CARMIL1: variants seen among roughly 807,000 people sequenced by gnomAD.
CARMIL1 encodes the protein F-actin-uncapping protein LRRC16A.
Under a neutral mutation model 177.1 loss-of-function variants are expected in CARMIL1, and 90 were observed. That is an observed-to-expected ratio of 0.51 (90% confidence interval 0.43 to 0.61). The LOEUF is 0.61. Among genes scored for constraint, CARMIL1 ranks in the 20% least tolerant of loss-of-function variants. The probability of loss-of-function intolerance (pLI) is 0.00; values close to 1 mark genes in which losing one functional copy is unlikely to be tolerated. For synonymous variants in CARMIL1, 577 were observed against 606.2 expected (o/e 0.95, Z 0.71); for missense variants, 1,380 against 1,667.0 (o/e 0.83, Z 3.00).
intron 11 of CARMIL1, among the ~76,000 whole-genome samples, chr6:25,475,058 G>A (rs1339010094): frequency 6.6e-6 from 1 of 152,228 alleles, no homozygotes; most frequent in Non-Finnish European, 1.5e-5. Flanking sequence ...TACATTGCTG[G>A]TGGGAGTGTA....
At position 25,316,755 on chromosome 6, in the gene CARMIL1, GAGGGAAAGAGA is replaced by G. The variant is rs536455425; in HGVS notation, c.138+31849_138+31859del. On this transcript the variant is annotated intron_variant, in intron 2 of 36. Transcript: ENST00000329474. Reference sequence around the variant, plus strand: ...TAAAGACTAGTCTAGTGTAATAGAAGAGGGAAAGAGAAGAACAAGAAGTTCTGTCTGTAACT... The same window carrying G: ...TAAAGACTAGTCTAGTGTAATAGAAGAGAACAAGAAGTTCTGTCTGTAACT... Among the ~76,000 whole-genome samples the G allele has an allele frequency of 2.4e-4, 37 of 152,092 alleles. No individual in the cohort carries two copies. The East Asian group carries it at 5.2e-3, about 21-fold the overall frequency.
At chr6:25,542,999 A>G (rs1809072391) in intron 26 of CARMIL1, among the ~76,000 whole-genome samples, 1 of 152,180 alleles carries the variant, frequency 6.6e-6, no homozygotes, top group Non-Finnish European at 1.5e-5. Context: ...AACATGTTAA[A>G]CTTGCAAGAG....
In CARMIL1 at chr6:25,610,150, C is replaced by G. The variant is rs199837533; in HGVS notation, c.3948C>G (p.Pro1316=). The G allele has an allele frequency of 6.2e-7, 1 of 1,613,688 alleles. No homozygotes were observed. Among genetic ancestry groups the G allele is most frequent in the African/African-American group, 1.3e-5 (1 of 74,890 alleles). ...AAGAGAGAGATGGCCAGAGTAGCCC[C>G]CAGCCCAGCCCCAGGACATTTTCAC... ...SDKERDGQSS[P]QPSPRTFSQE... The change falls in exon 36 of 37, where the codon CCC becomes CCG. Residue 1316 remains proline (P), a synonymous_variant. Transcript: ENST00000329474.
chr6:25,382,033 C>T (rs986698126), intron 2 of CARMIL1, among the ~76,000 whole-genome samples: 1 of 152,164 alleles, frequency 6.6e-6, no homozygotes, highest in African/African-American at 2.4e-5. Flanking sequence ...ACACTCTTCT[C>T]ATTCCTATTG....
intron 2 of CARMIL1, among the ~76,000 whole-genome samples, chr6:25,407,392 C>A (rs145866979): frequency 8.3e-6 from 1 of 121,008 alleles, no homozygotes; most frequent in East Asian, 2.3e-4. Context: ...AGAGCCCACA[C>A]GAAGGGACGG....
Position 25,435,526 on chromosome 6 carries a change from C to T in CARMIL1, c.293C>T (p.Ala98Val), listed in dbSNP as rs757157660. 5.2e-6 allele frequency: 8 copies of T among 1,553,048 alleles called. No homozygotes were observed. The highest frequency in any genetic ancestry group is 1.2e-5 in the South Asian group (1 of 84,116). The change falls in exon 5 of 37, where the codon GCG becomes GTG. Residue 98 changes from alanine (A) to valine (V), a missense_variant. By Grantham distance (64) the Ala-to-Val change is moderately conservative. Transcript: ENST00000329474. The part of the protein sequence containing the change: ...TEKCSISMKM[A>V]SPEDVSEVLA... ...AAGTGCAGCATTTCCATGAAGATGG[C>T]GTCACCCGAGGACGTGAGTGAGGTG...
At chr6:25,348,558 C>T (rs1032045953) in intron 2 of CARMIL1, among the ~76,000 whole-genome samples, 7 of 151,772 alleles carry the variant, frequency 4.6e-5, no homozygotes, top group Admixed American at 2.6e-4. Flanking sequence ...CCGAGCTGGG[C>T]GGATCACGAG....
In CARMIL1 at chr6:25,610,942, C is replaced by T. The variant is rs554762133; in HGVS notation, c.3979+761C>T. Among the ~76,000 whole-genome samples, 5 of 152,206 alleles carry T rather than the reference C, an allele frequency of 3.3e-5. No individual in the cohort carries two copies. The South Asian group carries it at 1.0e-3, about 32-fold the overall frequency. ...TCTGAGCCCCACCTATAAGGAAATT[C>T]TGGAGCCACACAAGTCGTCTACACC... is the stretch of plus-strand genomic sequence containing the variant. On this transcript the variant is annotated intron_variant, in intron 36 of 36. Coordinates refer to ENST00000329474, the MANE Select transcript of CARMIL1 (RefSeq NM_017640.6).
At chr6:25,286,230 A>G (rs1781517007) in intron 2 of CARMIL1, among the ~76,000 whole-genome samples, 1 of 152,248 alleles carries the variant, frequency 6.6e-6, no homozygotes, top group Non-Finnish European at 1.5e-5. Flanking sequence ...AAGAATTTGA[A>G]GTGTCTTTCT....
intron 11 of CARMIL1, chr6:25,479,063 A>G (rs767246451): frequency 1.5e-5 from 8 of 517,208 alleles, no homozygotes; most frequent in African/African-American, 5.8e-5. Context: ...CAATGTTCCA[A>G]TGTGTATGCT....
chr6:25,564,097 G>A (rs1413003007), intron 29 of CARMIL1, among the ~76,000 whole-genome samples: 1 of 152,172 alleles, frequency 6.6e-6, no homozygotes, highest in African/African-American at 2.4e-5. Flanking sequence ...ACATGCATGT[G>A]TAAATTGGGG....
chr6:25,443,464 C>T (rs1188502333), intron 5 of CARMIL1, among the ~76,000 whole-genome samples: 1 of 152,012 alleles, frequency 6.6e-6, no homozygotes, highest in African/African-American at 2.4e-5. Context: ...TGCATTTACA[C>T]GGAATTTGAA....
Position 25,556,722 on chromosome 6 carries a change from G to A in CARMIL1, c.2614G>A (p.Gly872Ser), listed in dbSNP as rs773416835. The change falls in exon 29 of 37, where the codon GGC (glycine) becomes AGC (serine). Residue 872 changes from glycine to serine, a missense_variant. Transcript: ENST00000329474. ...CTAGGCTGACCATTTCAGCAGACGT[G>A]GCAAGACCCTTCCTCAACAAGAATC... ...HKLADHFSRR[G>S]KTLPQQESLE... is the part of the protein sequence containing the mutation. 6.2e-7 allele frequency: 1 copy of A among 1,613,240 alleles called. No homozygotes were observed. Among genetic ancestry groups the A allele is most frequent in the Non-Finnish European group, 8.5e-7 (1 of 1,179,580 alleles).
intron 2 of CARMIL1, among the ~76,000 whole-genome samples, chr6:25,309,704 T>C (rs1783618952): frequency 6.6e-6 from 1 of 152,052 alleles, no homozygotes; most frequent in Non-Finnish European, 1.5e-5. Context: ...GTAGCATGGG[T>C]TAGAACTTCA....
chr6:25,432,417 A>C (rs901420651), intron 4 of CARMIL1, among the ~76,000 whole-genome samples: 3 of 152,254 alleles, frequency 2.0e-5, no homozygotes, highest in Middle Eastern at 6.8e-3. Flanking sequence ...TTTAAGAGTG[A>C]GTGATTGCTC....
chr6:25,585,720 G>T, intron 31 of CARMIL1, among the ~76,000 whole-genome samples: 1 of 151,968 alleles, frequency 6.6e-6, no homozygotes, highest in Non-Finnish European at 1.5e-5. Flanking sequence ...TGTGTCCCTG[G>T]GTACTTGAGA....
At chr6:25,439,683 G>A (rs1581945449) in intron 5 of CARMIL1, among the ~76,000 whole-genome samples, 2 of 152,282 alleles carry the variant, frequency 1.3e-5, no homozygotes, top group Admixed American at 1.3e-4. Flanking sequence ...GGTTGGGAGG[G>A]CAGACTGCTG....
chr6:25,490,878 A>C (rs534344620), intron 13 of CARMIL1, among the ~76,000 whole-genome samples: 1 of 152,238 alleles, frequency 6.6e-6, no homozygotes, highest in African/African-American at 2.4e-5. Flanking sequence ...AAACTGCTAC[A>C]CATAGTAAAT....
intron 31 of CARMIL1, among the ~76,000 whole-genome samples, chr6:25,586,823 G>C (rs146889317): frequency 4.6e-5 from 7 of 151,928 alleles, no homozygotes; most frequent in Non-Finnish European, 8.8e-5. Context: ...GCGTGGCGGC[G>C]CGCGCCTGCA....
Sources: allele counts gnomAD v4.1 joint callset (sites outside exome capture counted in the v4.1 genomes callset), GRCh38; gene constraint gnomAD v4.1.1; transcripts MANE v1.5; gene names NCBI Gene and HGNC (gene_info 2026-07-23, HGNC 2026-07-21).